The following EBF1 variants were observed in gnomAD, a reference collection of about 807,000 sequenced individuals.
The protein encoded by EBF1 is EBF transcription factor 1, also known as transcription factor COE1.
EBF1 carries 10 observed loss-of-function variants against 68.4 expected under a neutral mutation model. The ratio of observed to expected loss-of-function variants is 0.15; its 90% CI spans 0.09 to 0.25. The LOEUF is 0.25. Among genes scored for constraint, EBF1 ranks in the 10% least tolerant of loss-of-function variants. The pLI is 1.00. For synonymous variants in EBF1, 298 were observed against 299.8 expected (o/e 0.99, Z 0.06); for missense variants, 509 against 794.4 (o/e 0.64, Z 4.32).
At chr5:158,841,270 T>C (rs780251818) in intron 6 of EBF1, among the ~76,000 whole-genome samples, 66 of 152,226 alleles carry the variant, frequency 4.3e-4, no homozygotes, top group Non-Finnish European at 1.0e-4. Context: ...ATCACAGTTG[T>C]TAAAGTCTAT....
At chr5:158,920,664 C>A (rs1307812531) in intron 6 of EBF1, among the ~76,000 whole-genome samples, 2 of 152,144 alleles carry the variant, frequency 1.3e-5, no homozygotes, top group Admixed American at 6.5e-5. Flanking sequence ...CTGCAGCCTG[C>A]AACTCCTGGG....
intron 6 of EBF1, among the ~76,000 whole-genome samples, chr5:158,930,805 A>G (rs1248457255): frequency 6.6e-6 from 1 of 152,186 alleles, no homozygotes; most frequent in African/African-American, 2.4e-5. Context: ...GAGGCAAAGC[A>G]AGTATAAGCC....
chr5:158,779,257 A>T (rs952179988), intron 9 of EBF1, among the ~76,000 whole-genome samples: 11 of 152,116 alleles, frequency 7.2e-5, no homozygotes, highest in African/African-American at 2.7e-4. Flanking sequence ...GTGAGAAAAC[A>T]GAATCTTAAA....
chr5:158,950,444 AG>A (rs778050873), intron 6 of EBF1, among the ~76,000 whole-genome samples: 1 of 152,220 alleles, frequency 6.6e-6, no homozygotes, highest in Non-Finnish European at 1.5e-5. Flanking sequence ...GACTACTGCT[AG>A]AGTCCAGCCC....
intron 9 of EBF1, among the ~76,000 whole-genome samples, chr5:158,792,377 C>A (rs1304930244): frequency 3.9e-5 from 6 of 152,164 alleles, no homozygotes; most frequent in East Asian, 1.9e-4. Flanking sequence ...TTCTTCCCAC[C>A]CCTCAGGGGG....
At chr5:158,770,189 C>T (rs1773594433) in intron 10 of EBF1, among the ~76,000 whole-genome samples, 1 of 152,020 alleles carries the variant, frequency 6.6e-6, no homozygotes, top group African/African-American at 2.4e-5. Flanking sequence ...TTGAGGGAGA[C>T]AAAAATCTAG....
At position 159,017,330 on chromosome 5, in the gene EBF1, T is replaced by C. The variant is rs116233021; in HGVS notation, c.554+56066A>G. ...AAATTAGTTGCCATCACTTAAAATC[T>C]GATTTCACAATAAAATACCTTCTGG... is the stretch of plus-strand genomic sequence containing the variant. On this transcript the variant is annotated intron_variant, in intron 6 of 15. Transcript: ENST00000313708. Among the ~76,000 whole-genome samples the C allele has an allele frequency of 5.9e-3, 900 of 152,352 alleles. 5 individuals are homozygous for C. Among genetic ancestry groups the C allele is most frequent in the African/African-American group, 0.02 (822 of 41,582 alleles).
intron 6 of EBF1, among the ~76,000 whole-genome samples, chr5:158,845,186 G>A (rs1484506314): frequency 6.6e-6 from 1 of 152,206 alleles, no homozygotes; most frequent in Non-Finnish European, 1.5e-5. Flanking sequence ...AAATAAGGGT[G>A]TTTTTACAGT....
At chr5:158,865,428 C>T (rs1284980808) in intron 6 of EBF1, among the ~76,000 whole-genome samples, 1 of 152,096 alleles carries the variant, frequency 6.6e-6, no homozygotes. Context: ...ATAGTATCTA[C>T]CTTGAAGGAT....
intron 6 of EBF1, among the ~76,000 whole-genome samples, chr5:159,037,802 A>G (rs1272656048): frequency 6.6e-6 from 1 of 152,100 alleles, no homozygotes; most frequent in East Asian, 1.9e-4. Flanking sequence ...AACTTAAAGT[A>G]TAATAATAAA....
chr5:158,874,352 A>T (rs1162263067), intron 6 of EBF1, among the ~76,000 whole-genome samples: 1 of 152,204 alleles, frequency 6.6e-6, no homozygotes, highest in South Asian at 2.1e-4. Flanking sequence ...TCAAGAATAT[A>T]ATCTATGTGG....
In EBF1 at chr5:158,865,040, G is replaced by A. The variant is rs933125430; in HGVS notation, c.555-24930C>T. Among the ~76,000 whole-genome samples, 4 of 152,072 alleles carry A rather than the reference G, an allele frequency of 2.6e-5. No homozygotes were observed. In the East Asian group the frequency reaches 7.7e-4, roughly 29 times the overall value. On this transcript the variant is annotated intron_variant, in intron 6 of 15. Coordinates refer to ENST00000313708, the MANE Select transcript of EBF1 (RefSeq NM_024007.5). ...TCAGTTTTGAGCTCGGGTTCAGATAGCAGCATTACATCTCCTCCTTCCCTG... is the reference window on the plus strand; with the variant it reads ...TCAGTTTTGAGCTCGGGTTCAGATAACAGCATTACATCTCCTCCTTCCCTG...
intron 6 of EBF1, among the ~76,000 whole-genome samples, chr5:158,924,565 A>G (rs1809174189): frequency 2.0e-5 from 3 of 152,142 alleles, no homozygotes; most frequent in African/African-American, 7.2e-5. Flanking sequence ...TAAAAATGAT[A>G]AACTGGGCCG....
intron 15 of EBF1, among the ~76,000 whole-genome samples, chr5:158,705,670 A>G (rs1256660023): frequency 6.6e-6 from 1 of 152,196 alleles, no homozygotes; most frequent in East Asian, 1.9e-4. Context: ...CCTGGCTTTC[A>G]GTTGATAACC....
At chr5:159,038,348 A>T (rs1770506938) in intron 6 of EBF1, among the ~76,000 whole-genome samples, 1 of 152,148 alleles carries the variant, frequency 6.6e-6, no homozygotes, top group South Asian at 2.1e-4. Context: ...AACAGCCCAG[A>T]TATTTTACAC....
intron 8 of EBF1, among the ~76,000 whole-genome samples, chr5:158,807,333 T>C (rs1781772570): frequency 6.6e-6 from 1 of 152,150 alleles, no homozygotes; most frequent in African/African-American, 2.4e-5. Context: ...GTGGGGATTG[T>C]GGCTAAATGT....
chr5:159,092,002 G>T (rs1468674586), intron 4 of EBF1, among the ~76,000 whole-genome samples: 1 of 152,120 alleles, frequency 6.6e-6, no homozygotes, highest in Non-Finnish European at 1.5e-5. Flanking sequence ...TTTAAAGCAA[G>T]ATGGTAAGAG....
At chr5:158,822,851 C>G (rs532125043) in intron 8 of EBF1, among the ~76,000 whole-genome samples, 12 of 152,132 alleles carry the variant, frequency 7.9e-5, no homozygotes, top group Non-Finnish European at 1.8e-4. Flanking sequence ...CTTGGATTGG[C>G]CTTTCCTTAT....
In EBF1 at chr5:158,962,045, A is replaced by T. The variant is rs78592957; in HGVS notation, c.554+111351T>A. 5.3e-3 allele frequency among the ~76,000 whole-genome samples: 800 copies of T among 152,272 alleles called. 3 individuals are homozygous for T. The highest frequency in any genetic ancestry group is 0.018 in the African/African-American group (742 of 41,530). On this transcript the variant is annotated intron_variant, in intron 6 of 15. Transcript: ENST00000313708. ...GCCGATCAACCATCTTTCCATACAA[A>T]CGCTGAAGGTTACCAATTGTCACAG...
Sources: allele counts gnomAD v4.1 joint callset (sites outside exome capture counted in the v4.1 genomes callset), GRCh38; gene constraint gnomAD v4.1.1; transcripts MANE v1.5; gene names NCBI Gene and HGNC (gene_info 2026-07-23, HGNC 2026-07-21).